GRID1: variants seen among roughly 807,000 people sequenced by gnomAD.
The protein encoded by GRID1 is glutamate ionotropic receptor delta type subunit 1.
Under a neutral mutation model 98.0 loss-of-function variants are expected in GRID1, and 28 were observed. The ratio of observed to expected loss-of-function variants is 0.29; its 90% CI spans 0.21 to 0.39. GRID1 has a LOEUF of 0.39. Ranked by LOEUF, GRID1 falls within the 10% of genes least tolerant of loss-of-function variation. The pLI is 1.00. For synonymous variants in GRID1, 553 were observed against 538.5 expected (o/e 1.03, Z -0.37); for missense variants, 1,111 against 1,340.5 (o/e 0.83, Z 2.67).
At chr10:85,648,085 TTGA>T in intron 12 of GRID1, 1 of 152,260 alleles carries the variant, frequency 6.6e-6, no homozygotes, top group Non-Finnish European at 1.5e-5. Flanking sequence ...TTTTAAAATG[TTGA>T]TAATTATTTA....
intron 2 of GRID1, among the ~76,000 whole-genome samples, chr10:86,301,348 C>T (rs1220458607): frequency 1.3e-5 from 2 of 152,272 alleles, no homozygotes; most frequent in Admixed American, 1.3e-4. Context: ...TTGCCACTGA[C>T]ACCCTTCATT....
In GRID1 at chr10:86,039,739, C is replaced by T. The variant is rs17106202; in HGVS notation, c.726+99080G>A. 2.4e-3 allele frequency among the ~76,000 whole-genome samples: 368 copies of T among 152,248 alleles called. 8 individuals carry two copies. Among genetic ancestry groups the T allele is most frequent in the Admixed American group, 0.017 (255 of 15,300 alleles). ...CGTAGGTCCTAAGCAATGCATTTGT[C>T]GGGAAATAGTGGAAAATCCATTTTT... is the stretch of plus-strand genomic sequence containing the variant. On this transcript the variant is annotated intron_variant, in intron 4 of 15. Transcript: ENST00000327946.
At chr10:85,688,523 A>G (rs941638616) in intron 12 of GRID1, among the ~76,000 whole-genome samples, 7 of 152,172 alleles carry the variant, frequency 4.6e-5, no homozygotes, top group Non-Finnish European at 1.0e-4. Context: ...CTAGAAATGG[A>G]TAGATTTAAA....
At chr10:86,338,143 G>A (rs1312664654) in intron 2 of GRID1, among the ~76,000 whole-genome samples, 2 of 152,204 alleles carry the variant, frequency 1.3e-5, no homozygotes, top group African/African-American at 2.4e-5. Context: ...TGCCCGTCAG[G>A]ATACTCCCAT....
At chr10:86,031,272 G>C (rs540979780) in intron 4 of GRID1, among the ~76,000 whole-genome samples, 19 of 152,292 alleles carry the variant, frequency 1.2e-4, no homozygotes, top group Admixed American at 2.0e-4. Context: ...CATGGATGCA[G>C]CTGGAGGCCA....
intron 2 of GRID1, among the ~76,000 whole-genome samples, chr10:86,341,463 C>T (rs1848309496): frequency 6.6e-6 from 1 of 152,092 alleles, no homozygotes; most frequent in Admixed American, 6.5e-5. Flanking sequence ...TAACCAAGGA[C>T]CTTAAAGGTG....
In GRID1 at chr10:85,725,727, C is replaced by T. The variant is rs374581410; in HGVS notation, c.1534-1051G>A. On this transcript the variant is annotated intron_variant, in intron 10 of 15. Coordinates refer to ENST00000327946, the MANE Select transcript of GRID1 (RefSeq NM_017551.3). ...TCCAAGCTCAAACTGAGGAAACACA[C>T]GTGGAAGGATTTTTTCAAGGTTTAA... Among the ~76,000 whole-genome samples the T allele has an allele frequency of 1.1e-4, 17 of 152,280 alleles. No individual in the cohort carries two copies. In the East Asian group the frequency reaches 1.7e-3, roughly 16 times the overall value.
chr10:85,765,300 G>T (rs961621325), intron 8 of GRID1, among the ~76,000 whole-genome samples: 25 of 152,148 alleles, frequency 1.6e-4, no homozygotes, highest in African/African-American at 6.0e-4. Flanking sequence ...TAGCTGCACG[G>T]GCTGGCTTAG....
chr10:86,288,523 CAG>C (rs2132073581), intron 2 of GRID1, among the ~76,000 whole-genome samples: 1 of 152,290 alleles, frequency 6.6e-6, no homozygotes, highest in South Asian at 2.1e-4. Context: ...TCAGTTGACT[CAG>C]AAACCAGAAA....
At chr10:85,746,555 A>C (rs545695138) in intron 8 of GRID1, among the ~76,000 whole-genome samples, 2 of 152,202 alleles carry the variant, frequency 1.3e-5, no homozygotes, top group South Asian at 4.2e-4. Flanking sequence ...TTCAATTTCC[A>C]CTTATGACCG....
chr10:85,781,657 C>G (rs55750595), intron 8 of GRID1, among the ~76,000 whole-genome samples: 2 of 152,072 alleles, frequency 1.3e-5, no homozygotes, highest in African/African-American at 4.8e-5. Context: ...CTCAAGCCTC[C>G]TGAGTAAAAT....
chr10:85,882,336 T>A (rs533853737), intron 5 of GRID1, among the ~76,000 whole-genome samples: 1 of 150,338 alleles, frequency 6.7e-6, no homozygotes, highest in Non-Finnish European at 1.5e-5. Flanking sequence ...ATGTTTATTT[T>A]GGCACTATTC....
chr10:86,182,609 A>G (rs528904003), intron 3 of GRID1, among the ~76,000 whole-genome samples: 1 of 152,350 alleles, frequency 6.6e-6, no homozygotes, highest in South Asian at 2.1e-4. Flanking sequence ...AAATTATAAC[A>G]TGGAGATAAA....
intron 8 of GRID1, among the ~76,000 whole-genome samples, chr10:85,817,668 T>C (rs907438874): frequency 2.0e-5 from 3 of 152,098 alleles, no homozygotes; most frequent in African/African-American, 7.2e-5. Flanking sequence ...CCGAGGCAGA[T>C]GGATCACGAG....
At chr10:85,988,125 G>C (rs1214165631) in intron 4 of GRID1, among the ~76,000 whole-genome samples, 1 of 152,110 alleles carries the variant, frequency 6.6e-6, no homozygotes, top group African/African-American at 2.4e-5. Flanking sequence ...CTCAGCTCAA[G>C]TGTTGCCTCC....
chr10:85,894,867 G>A (rs1432039556), intron 5 of GRID1, among the ~76,000 whole-genome samples: 2 of 151,532 alleles, frequency 1.3e-5, no homozygotes, highest in Admixed American at 6.6e-5. Context: ...AATTAGCCCG[G>A]CATGGTGGTG....
At chr10:85,620,413 G>GCCTATTTGT (rs1253523669) in intron 13 of GRID1, among the ~76,000 whole-genome samples, 2 of 151,416 alleles carry the variant, frequency 1.3e-5, no homozygotes, top group Admixed American at 6.6e-5. Flanking sequence ...TCTGAGATCA[G>GCCTATTTGT]AAATGTTGGG....
At chr10:86,331,801 G>GCCA (rs2132103098) in intron 2 of GRID1, among the ~76,000 whole-genome samples, 2 of 152,296 alleles carry the variant, frequency 1.3e-5, no homozygotes, top group East Asian at 3.9e-4. Flanking sequence ...GCTAGTAACT[G>GCCA]GTCTGGCACA....
chr10:85,960,890 T>C (rs1343125770), intron 4 of GRID1, among the ~76,000 whole-genome samples: 1 of 152,126 alleles, frequency 6.6e-6, no homozygotes, highest in African/African-American at 2.4e-5. Flanking sequence ...TGCTTGTTGC[T>C]GGTGGCTTCA....
Sources: gnomAD v4.1 joint callset for allele counts (sites outside exome capture counted in the v4.1 genomes callset) on GRCh38, gnomAD v4.1.1 for gene constraint, MANE v1.5 for transcripts, NCBI Gene and HGNC (gene_info 2026-07-23, HGNC 2026-07-21) for gene names.